ARG2: variants seen among roughly 807,000 people sequenced by gnomAD.
ARG2 encodes arginase-2, mitochondrial.
In ARG2, 21 loss-of-function variants were observed where a neutral mutation model predicts 39.4. The observed-to-expected ratio is 0.53, with a 90% CI of 0.38 to 0.77. The LOEUF (loss-of-function observed/expected upper bound fraction) is 0.77, where lower values mean the gene tolerates loss of function less well. ARG2 is among the 30% of genes least tolerant of loss of function. ARG2 has a pLI of 0.00. For synonymous variants in ARG2, 150 were observed against 156.7 expected (o/e 0.96, Z 0.32); for missense variants, 378 against 426.2 (o/e 0.89, Z 1.00).
At chr14:67,646,238 A>G (rs1939964410) in intron 4 of ARG2, among the ~76,000 whole-genome samples, 1 of 152,214 alleles carries the variant, frequency 6.6e-6, no homozygotes, top group Non-Finnish European at 1.5e-5. Context: ...AGGACACTAC[A>G]AAGATTATTC....
intron 2 of ARG2, among the ~76,000 whole-genome samples, chr14:67,624,056 G>T (rs2036838657): frequency 6.6e-6 from 1 of 152,022 alleles, no homozygotes; most frequent in Admixed American, 6.6e-5. Flanking sequence ...GCCCAGGCTG[G>T]TCCCGAACTC....
chr14:67,632,808 ATTTTTTT>A (rs55642854), intron 2 of ARG2, among the ~76,000 whole-genome samples: 11 of 62,358 alleles, frequency 1.8e-4, no homozygotes, highest in East Asian at 1.6e-3. Context: ...AAGCCTCTTA[ATTTTTTT>A]TTTTTTTTTT....
chr14:67,631,796 C>T (rs2036921534), intron 2 of ARG2, among the ~76,000 whole-genome samples: 1 of 152,094 alleles, frequency 6.6e-6, no homozygotes, highest in African/African-American at 2.4e-5. Flanking sequence ...CTTGATTCTC[C>T]TGCTTTATCC....
In ARG2 at chr14:67,642,240, A is replaced by T; in HGVS notation, c.239A>T (p.Asp80Val). ...DLSFTPVPKDDLYNNLIVNPR... is the reference protein window; with the variant it reads ...DLSFTPVPKDVLYNNLIVNPR... ...AGTTTTACTCCAGTCCCCAAAGATG[A>T]TCTCTACAACAACCTGATAGTGAAT... The change falls in exon 3 of 8, where the codon GAT becomes GTT. Residue 80 changes from aspartate to valine, a missense_variant. Transcript: ENST00000261783. 1 of 1,614,112 alleles carries T rather than the reference A, an allele frequency of 6.2e-7. No individual in the cohort carries two copies. The highest frequency in any genetic ancestry group is 8.5e-7 in the Non-Finnish European group (1 of 1,179,994).
At chr14:67,621,214 C>A (rs957993941) in intron 2 of ARG2, among the ~76,000 whole-genome samples, 2 of 152,168 alleles carry the variant, frequency 1.3e-5, no homozygotes, top group Non-Finnish European at 2.9e-5. Flanking sequence ...TCAGGGAATG[C>A]AAGTGATGCT....
chr14:67,642,416 T>C (rs769349538), intron 3 of ARG2, 53 bp downstream of exon 3: 1 of 1,574,764 alleles, frequency 6.4e-7, no homozygotes, highest in Admixed American at 1.8e-5. Flanking sequence ...TGCTTGGGGC[T>C]CATAACTTAG....
intron 2 of ARG2, among the ~76,000 whole-genome samples, chr14:67,627,558 C>A (rs568061726): frequency 6.6e-6 from 1 of 152,218 alleles, no homozygotes; most frequent in South Asian, 2.1e-4. Flanking sequence ...GTTGACTCAA[C>A]AGCAAATATC....
intron 7 of ARG2, chr14:67,648,731 G>A (rs751233829): frequency 1.5e-4 from 23 of 152,332 alleles, no homozygotes; most frequent in Admixed American, 1.0e-3. Context: ...TGAATTCTAC[G>A]TTATCAAGAC....
chr14:67,645,411 ATC>A (rs1294316602), intron 3 of ARG2, among the ~76,000 whole-genome samples: 1 of 152,186 alleles, frequency 6.6e-6, no homozygotes, highest in East Asian at 1.9e-4. Flanking sequence ...CAGCAGTGAC[ATC>A]TGTCACACTG....
At chr14:67,631,589 C>A (rs2036919898) in intron 2 of ARG2, among the ~76,000 whole-genome samples, 1 of 151,992 alleles carries the variant, frequency 6.6e-6, no homozygotes, top group Non-Finnish European at 1.5e-5. Context: ...GGACATGCCA[C>A]CACACCAGTT....
At chr14:67,647,811 G>A in intron 6 of ARG2, 1 of 522,268 alleles carries the variant, frequency 1.9e-6, no homozygotes, top group Non-Finnish European at 3.4e-6. Context: ...GAGTTAGTCT[G>A]TCTGAGGTAT....
chr14:67,640,933 C>T (rs138595562), intron 2 of ARG2, among the ~76,000 whole-genome samples: 48 of 152,224 alleles, frequency 3.2e-4, no homozygotes, highest in African/African-American at 1.0e-3. Context: ...AAATCTGAAA[C>T]TTTTTGAGCA....
In ARG2 at chr14:67,620,774, G is replaced by A. The variant is rs374169418; in HGVS notation, c.112-120G>A. 42 of 908,242 alleles carry A rather than the reference G, an allele frequency of 4.6e-5. No homozygotes were observed. In the East Asian group the frequency reaches 6.5e-4, roughly 14 times the overall value. 56.3% of individuals were successfully genotyped at this position (908,242 alleles called of 1,614,324 possible). A position where few individuals can be genotyped will look rare whatever the true frequency, so the allele number is the denominator to read the frequency against. On this transcript the variant is annotated intron_variant, in intron 1 of 7. Transcript: ENST00000261783. Reference sequence around the variant, plus strand: ...CAATGGAGTTGGAAGGACAGTCATTGATGGAAGGGCTGATGCTGTCACAGG... The same window carrying A: ...CAATGGAGTTGGAAGGACAGTCATTAATGGAAGGGCTGATGCTGTCACAGG...
intron 2 of ARG2, among the ~76,000 whole-genome samples, chr14:67,640,589 G>T (rs568407678): frequency 6.6e-6 from 1 of 152,056 alleles, no homozygotes; most frequent in Non-Finnish European, 1.5e-5. Flanking sequence ...CTCTTAATCC[G>T]AACCTTTAAC....
chr14:67,642,538 G>A (rs1044361072), intron 3 of ARG2, among the ~76,000 whole-genome samples, 175 bp downstream of exon 3: 1 of 152,148 alleles, frequency 6.6e-6, no homozygotes, highest in Non-Finnish European at 1.5e-5. Context: ...TGCTCAAGGG[G>A]CACTGTGGTT....
rs368839100 is a variant in ARG2, at chr14:67,645,688, C to G, written c.408C>G (p.Asp136Glu). ...GTGGCCATGCCCGACACTGCCCAGA[C>G]CTTTGTGTTGTCTGGGTTGATGCCC... ...TISGHARHCP[D>E]LCVVWVDAHA... Residue 136 changes from aspartate (D) to glutamate (E), a missense_variant, in exon 4 of 8, where the codon GAC becomes GAG. Transcript: ENST00000261783. 1.2e-6 allele frequency: 2 copies of G among 1,614,044 alleles called. No individual in the cohort carries two copies. The highest frequency in any genetic ancestry group is 1.1e-5 in the South Asian group (1 of 91,080).
chr14:67,627,260 T>TAG (rs759324648), intron 2 of ARG2, among the ~76,000 whole-genome samples: 3 of 115,304 alleles, frequency 2.6e-5, no homozygotes, highest in Non-Finnish European at 6.0e-5. Flanking sequence ...TAAGGAGATA[T>TAG]ATATATATAT....
chr14:67,649,855 A>C (rs1189217848), intron 7 of ARG2: 2 of 152,180 alleles, frequency 1.3e-5, no homozygotes, highest in African/African-American at 4.8e-5. Context: ...GCTTGTTCAG[A>C]TCACCCTTCA....
At chr14:67,643,135 C>A (rs1444408551) in intron 3 of ARG2, among the ~76,000 whole-genome samples, 1 of 152,142 alleles carries the variant, frequency 6.6e-6, no homozygotes, top group Non-Finnish European at 1.5e-5. Flanking sequence ...CAATATGGAC[C>A]CTAGTGACTC....
Sources: gnomAD v4.1 joint callset for allele counts (sites outside exome capture counted in the v4.1 genomes callset) on GRCh38, gnomAD v4.1.1 for gene constraint, MANE v1.5 for transcripts, NCBI Gene and HGNC (gene_info 2026-07-23, HGNC 2026-07-21) for gene names.